The following LIG1 variants were observed in gnomAD, a reference collection of about 807,000 sequenced individuals.
The protein encoded by LIG1 is ligase I, DNA, ATP-dependent.
In LIG1, 70 loss-of-function variants were observed where a neutral mutation model predicts 115.7. That is an observed-to-expected ratio of 0.60 (90% CI 0.50 to 0.74). LIG1 has a LOEUF of 0.74. Among genes scored for constraint, LIG1 ranks in the 30% least tolerant of loss-of-function variants. The probability of loss-of-function intolerance (pLI) is 0.00; values close to 1 mark genes in which losing one functional copy is unlikely to be tolerated. For missense variants in LIG1, 1,115 were observed against 1,225.6 expected (o/e 0.91, Z 1.35); for synonymous variants, 487 against 495.3 (o/e 0.98, Z 0.22).
intron 1 of LIG1, among the ~76,000 whole-genome samples, chr19:48,168,967 C>T (rs774295747): frequency 2.0e-5 from 3 of 151,876 alleles, no homozygotes; most frequent in Non-Finnish European, 4.4e-5. Context: ...CTCAATAAAG[C>T]GGTTACCAAA....
chr19:48,135,891 G>GCGGGCCCCC, intron 15 of LIG1, 112 bp from the exon 16 acceptor site: 1 of 928,668 alleles, frequency 1.1e-6, no homozygotes. Context: ...GGCCCAAGAC[G>GCGGGCCCCC]CCCCCTCCCC....
intron 4 of LIG1, 181 bp downstream of exon 4, chr19:48,161,191 A>C (rs2036155352): frequency 3.7e-6 from 3 of 800,614 alleles, no homozygotes; most frequent in South Asian, 3.1e-5. Flanking sequence ...AGCCCACCCG[A>C]GGTCCTAGGG....
At chr19:48,160,952 G>C (rs1050055400) in intron 4 of LIG1, among the ~76,000 whole-genome samples, 1 of 152,062 alleles carries the variant, frequency 6.6e-6, no homozygotes, top group South Asian at 2.1e-4. Context: ...GCCCAGCCTG[G>C]TCTCGAACTC....
At chr19:48,123,072 G>A in intron 22 of LIG1, 56 bp from the exon 23 acceptor site, 1 of 1,611,202 alleles carries the variant, frequency 6.2e-7, no homozygotes, top group South Asian at 1.1e-5. Context: ...AAGCGCCGGA[G>A]CAGGCAGGAT....
rs1000870553 is a variant in LIG1, at chr19:48,149,738, T to C, written c.776+25A>G. 5 of 1,599,904 alleles carry C rather than the reference T, an allele frequency of 3.1e-6. No individual in the cohort carries two copies. The African/African-American group carries it at 6.7e-5, about 21-fold the overall frequency. ...AGAAGGGAACACATCCCGAAGAACC[T>C]TTCCAGACCTGGACACTGACTCACC... On this transcript the variant is annotated intron_variant, in intron 9 of 27. Transcript: ENST00000263274.
At chr19:48,124,641 A>G (rs534340798) in intron 21 of LIG1, among the ~76,000 whole-genome samples, 43 of 152,382 alleles carry the variant, frequency 2.8e-4, no homozygotes, top group African/African-American at 9.9e-4. Context: ...TGAAAGGATA[A>G]TATCTTAGAC....
At chr19:48,170,198 G>A in intron 1 of LIG1, 43 bp downstream of exon 1, 1 of 454,960 alleles carries the variant, frequency 2.2e-6, no homozygotes, top group South Asian at 1.6e-5. Flanking sequence ...CGGCGCACCC[G>A]CCGCCCTCCG....
chr19:48,159,813 G>A (rs2036068319), intron 4 of LIG1, among the ~76,000 whole-genome samples: 1 of 152,142 alleles, frequency 6.6e-6, no homozygotes, highest in South Asian at 2.1e-4. Context: ...CGCCTCCCGG[G>A]TTCACGCCAT....
chr19:48,149,958 A>G, intron 8 of LIG1, 117 bp from the exon 9 acceptor site: 1 of 1,558,022 alleles, frequency 6.4e-7, no homozygotes. Flanking sequence ...AGGCTGGTAG[A>G]GACAAGGCCG....
intron 10 of LIG1, 133 bp from the exon 11 acceptor site, chr19:48,143,732 G>T (rs1225436394): frequency 4.7e-5 from 50 of 1,060,454 alleles, no homozygotes; most frequent in Non-Finnish European, 6.8e-5. Flanking sequence ...ACTTCCCAGG[G>T]CTGTCTCTCT....
chr19:48,144,421 G>A (rs1157154039), intron 9 of LIG1, among the ~76,000 whole-genome samples: 1 of 152,148 alleles, frequency 6.6e-6, no homozygotes, highest in Non-Finnish European at 1.5e-5. Context: ...ACAGAGGGAG[G>A]TGCGTATAGT....
chr19:48,163,347 G>A (rs945752606), intron 2 of LIG1, among the ~76,000 whole-genome samples: 2 of 151,978 alleles, frequency 1.3e-5, no homozygotes, highest in African/African-American at 4.8e-5. Context: ...TCAGCCTCCT[G>A]AGTAGCTGAG....
At chr19:48,123,134 C>T (rs2122390490) in intron 22 of LIG1, 40 bp downstream of exon 22, 2 of 1,613,498 alleles carry the variant, frequency 1.2e-6, no homozygotes, top group Middle Eastern at 1.7e-4. Context: ...GGGGTCAGCG[C>T]AAGCTGCAGA....
intron 8 of LIG1, 110 bp downstream of exon 8, chr19:48,149,978 C>A: frequency 1.3e-6 from 2 of 1,586,712 alleles, no homozygotes; most frequent in South Asian, 2.2e-5. Context: ...GACTTTCCAA[C>A]CAGCAGGAAA....
intron 5 of LIG1, 106 bp downstream of exon 5, chr19:48,156,908 C>T (rs1408117786): frequency 4.6e-6 from 5 of 1,084,706 alleles, no homozygotes; most frequent in Non-Finnish European, 5.0e-6. Context: ...CACTGCACTC[C>T]AGCCTAGGCA....
intron 19 of LIG1, among the ~76,000 whole-genome samples, chr19:48,128,906 G>A (rs2033843924): frequency 6.6e-6 from 1 of 152,172 alleles, no homozygotes; most frequent in Admixed American, 6.5e-5. Flanking sequence ...GGGATTACAG[G>A]CACATGCCAC....
Position 48,166,136 on chromosome 19 carries a change from CCTGTCATCCCAGCA to C in LIG1, c.-57-527_-57-514del, listed in dbSNP as rs575157903. ...TATAGGTCAGGCACAGTAGCTCACG[CCTGTCATCCCAGCA>C]CTTTGGGAGGCCGAGGTGGGTGGAT... On this transcript the variant is annotated intron_variant, in intron 1 of 27. Coordinates refer to ENST00000263274, the MANE Select transcript of LIG1 (RefSeq NM_000234.3). Among the ~76,000 whole-genome samples, 291 of 152,344 alleles carry C rather than the reference CCTGTCATCCCAGCA, an allele frequency of 1.9e-3. 4 individuals carry two copies. The highest frequency in any genetic ancestry group is 6.4e-3 in the African/African-American group (268 of 41,590).
chr19:48,148,185 G>A (rs574784564), intron 9 of LIG1, among the ~76,000 whole-genome samples: 3 of 152,098 alleles, frequency 2.0e-5, no homozygotes, highest in Non-Finnish European at 4.4e-5. Context: ...TTCAGAAGCA[G>A]GGAGGAGGCT....
chr19:48,157,043 G>GA lies in LIG1; in HGVS notation c.340dup (p.Ser114PhefsTer29). The GA allele has an allele frequency of 6.2e-7, 1 of 1,610,404 alleles. No homozygotes were observed. The highest frequency in any genetic ancestry group is 8.5e-7 in the Non-Finnish European group (1 of 1,177,840). ...GCGACGCTTCGGAATCCCTGATGGG[G>GA]AACTGTCCATGGGAGAGGTGTCAGA... is the stretch of plus-strand genomic sequence containing the variant. On this transcript the variant is annotated frameshift_variant, in exon 5 of 28. Transcript: ENST00000263274. LOFTEE classifies it high-confidence loss of function.
Sources: allele counts gnomAD v4.1 joint callset (sites outside exome capture counted in the v4.1 genomes callset), GRCh38; gene constraint gnomAD v4.1.1; transcripts MANE v1.5; gene names NCBI Gene and HGNC (gene_info 2026-07-23, HGNC 2026-07-21).